The following SMIM36 variants were observed in gnomAD, a reference collection of about 807,000 sequenced individuals.
SMIM36 encodes the protein small integral membrane protein 36.
intron 3 of SMIM36, chr17:55,468,155 C>G (rs981954902): frequency 2.6e-5 from 4 of 152,346 alleles, no homozygotes; most frequent in Admixed American, 2.0e-4. Flanking sequence ...CACAAAGCCT[C>G]TTCACACGGA....
intron 4 of SMIM36, among the ~76,000 whole-genome samples, chr17:55,461,305 T>G (rs1299431821): frequency 6.6e-6 from 1 of 152,196 alleles, no homozygotes; most frequent in African/African-American, 2.4e-5. Flanking sequence ...CAAAATATCC[T>G]TGCTAAAAAG....
At chr17:55,507,599 G>A (rs1455535163) in intron 1 of SMIM36, among the ~76,000 whole-genome samples, 2 of 105,720 alleles carry the variant, frequency 1.9e-5, no homozygotes, top group East Asian at 6.8e-4. Flanking sequence ...GAGGGGGGAG[G>A]GATAGCATTG....
intron 3 of SMIM36, among the ~76,000 whole-genome samples, chr17:55,472,291 C>A (rs1420356103): frequency 6.6e-6 from 1 of 152,216 alleles, no homozygotes; most frequent in African/African-American, 2.4e-5. Flanking sequence ...TGCTGCACTT[C>A]CTCCCTCCAC....
the SMIM36 span, among the ~76,000 whole-genome samples, chr17:55,522,138 C>T: frequency 6.6e-6 from 1 of 152,202 alleles, no homozygotes; most frequent in Admixed American, 6.5e-5. Flanking sequence ...TACTTTCTCC[C>T]TCACCTGTTC....
chr17:55,513,438 A>T (rs1910215940), upstream of SMIM36, among the ~76,000 whole-genome samples: 1 of 152,240 alleles, frequency 6.6e-6, no homozygotes, highest in Non-Finnish European at 1.5e-5. Context: ...CTGAAGGCAG[A>T]TCTACAGGAA....
chr17:55,491,383 C>A (rs1348970986), intron 1 of SMIM36, among the ~76,000 whole-genome samples: 1 of 151,604 alleles, frequency 6.6e-6, no homozygotes, highest in African/African-American at 2.4e-5. Flanking sequence ...TCTTTCTTTT[C>A]CTTCGCTCCA....
At chr17:55,492,052 G>A (rs1285275549) in intron 1 of SMIM36, among the ~76,000 whole-genome samples, 4 of 151,370 alleles carry the variant, frequency 2.6e-5, no homozygotes, top group Non-Finnish European at 4.4e-5. Flanking sequence ...CCAGCTACTC[G>A]GGAGGCTGAG....
intron 4 of SMIM36, among the ~76,000 whole-genome samples, chr17:55,459,196 AG>A (rs984009812): frequency 6.6e-6 from 1 of 152,146 alleles, no homozygotes; most frequent in Non-Finnish European, 1.5e-5. Context: ...ACGCCCTGAG[AG>A]GGGGATTCCC....
chr17:55,516,246 C>T (rs1910275369), upstream of SMIM36, among the ~76,000 whole-genome samples: 1 of 152,160 alleles, frequency 6.6e-6, no homozygotes. Context: ...GTTGGTTCTC[C>T]CTCTCCTTCC....
intron 1 of SMIM36, among the ~76,000 whole-genome samples, chr17:55,506,284 A>G (rs1466144117): frequency 7.2e-5 from 1 of 13,916 alleles, no homozygotes; most frequent in Non-Finnish European, 9.8e-5. Flanking sequence ...TCCTAAGCCA[A>G]AAGAACAAAG....
At chr17:55,505,196 A>T (rs1910060506) in intron 1 of SMIM36, among the ~76,000 whole-genome samples, 1 of 96,170 alleles carries the variant, frequency 1.0e-5, no homozygotes, top group Non-Finnish European at 2.0e-5. Context: ...AGTCAATAGA[A>T]AAAGAGGGAA....
the SMIM36 span, among the ~76,000 whole-genome samples, chr17:55,519,868 C>T: frequency 5.3e-5 from 8 of 152,166 alleles, 2 homozygotes; most frequent in South Asian, 1.7e-3. Flanking sequence ...TGTAAATCAC[C>T]TACTTAAATT....
chr17:55,481,539 A>C (rs1219078754), intron 1 of SMIM36, among the ~76,000 whole-genome samples: 1 of 152,210 alleles, frequency 6.6e-6, no homozygotes, highest in Admixed American at 6.5e-5. Context: ...ACAAATCTGA[A>C]TCATCAAGAA....
chr17:55,482,493 A>T (rs934424849), intron 1 of SMIM36, among the ~76,000 whole-genome samples: 5 of 152,166 alleles, frequency 3.3e-5, no homozygotes, highest in Non-Finnish European at 7.3e-5. Flanking sequence ...TTCAAATCTT[A>T]TAGATTTTTC....
At chr17:55,500,315 G>A (rs1321690766) in intron 1 of SMIM36, among the ~76,000 whole-genome samples, 1 of 151,836 alleles carries the variant, frequency 6.6e-6, no homozygotes, top group African/African-American at 2.4e-5. Flanking sequence ...TATAGAGACG[G>A]GCTCTTGCTA....
At chr17:55,497,685 A>G (rs1171174009) in intron 1 of SMIM36, among the ~76,000 whole-genome samples, 1 of 151,854 alleles carries the variant, frequency 6.6e-6, no homozygotes, top group East Asian at 1.9e-4. Flanking sequence ...ACATAGTGAA[A>G]CCCTGTCTCT....
At chr17:55,472,114 A>G (rs1404897371) in intron 3 of SMIM36, among the ~76,000 whole-genome samples, 1 of 152,196 alleles carries the variant, frequency 6.6e-6, no homozygotes, top group Non-Finnish European at 1.5e-5. Flanking sequence ...ACATGACTGT[A>G]TTTCACTAAT....
intron 1 of SMIM36, among the ~76,000 whole-genome samples, chr17:55,500,461 A>G (rs1014735111): frequency 6.6e-6 from 1 of 152,004 alleles, no homozygotes; most frequent in African/African-American, 2.4e-5. Flanking sequence ...CAAGATTCTA[A>G]GGCTTCATTT....
At chr17:55,468,972 A>G (rs1292631859) in intron 3 of SMIM36, among the ~76,000 whole-genome samples, 5 of 152,282 alleles carry the variant, frequency 3.3e-5, no homozygotes, top group Admixed American at 1.3e-4. Flanking sequence ...CCTGACGTCC[A>G]GGCATTCTTT....
Sources: allele counts gnomAD v4.1 joint callset (sites outside exome capture counted in the v4.1 genomes callset), GRCh38; gene constraint gnomAD v4.1.1; transcripts MANE v1.5; gene names NCBI Gene and HGNC (gene_info 2026-07-23, HGNC 2026-07-21).